The following RBM19 variants were observed in gnomAD, a reference collection of about 807,000 sequenced individuals.
RBM19 encodes the protein probable RNA-binding protein 19.
RBM19 carries 94 observed loss-of-function variants against 116.8 expected under a neutral mutation model. The observed-to-expected ratio is 0.80, with a 90% CI of 0.68 to 0.95. The LOEUF (loss-of-function observed/expected upper bound fraction) is 0.95. RBM19 is among the 40% of genes least tolerant of loss of function. The pLI is 0.00. For missense variants in RBM19, 1,161 were observed against 1,220.7 expected, an observed-to-expected ratio of 0.95 and a Z score of 0.73; for synonymous variants, 475 against 494.1, an observed-to-expected ratio of 0.96 and a Z score of 0.51.
chr12:113,922,462 C>T (rs1868666511), intron 18 of RBM19, among the ~76,000 whole-genome samples: 1 of 152,172 alleles, frequency 6.6e-6, no homozygotes, highest in African/African-American at 2.4e-5. Flanking sequence ...ATAACCACTT[C>T]TAAAACATGC....
intron 6 of RBM19, 49 bp from the exon 7 acceptor site, chr12:113,955,260 C>A: frequency 1.3e-6 from 2 of 1,560,640 alleles, no homozygotes; most frequent in South Asian, 2.2e-5. Context: ...ACCCTTCGTA[C>A]AGCTGCAGGA....
chr12:113,831,527 G>T (rs746557174), intron 23 of RBM19, among the ~76,000 whole-genome samples: 1 of 152,044 alleles, frequency 6.6e-6, no homozygotes, highest in Non-Finnish European at 1.5e-5. Context: ...CTCCCAAGTC[G>T]CTCTGAAATT....
chr12:113,928,804 A>G (rs971921240), intron 16 of RBM19, among the ~76,000 whole-genome samples: 1 of 152,038 alleles, frequency 6.6e-6, no homozygotes, highest in Non-Finnish European at 1.5e-5. Context: ...AAATCTTAGG[A>G]GGAAATGTGT....
At chr12:113,954,477 G>C (rs181747707) in intron 7 of RBM19, among the ~76,000 whole-genome samples, 2 of 152,268 alleles carry the variant, frequency 1.3e-5, no homozygotes, top group African/African-American at 4.8e-5. Context: ...TTAGACCTGC[G>C]GTAATTACAT....
chr12:113,932,453 G>A lies in RBM19; in HGVS notation c.2068+4554C>T, dbSNP rs143050911. The A allele has an allele frequency of 6.5e-3, 997 of 152,356 alleles. 2 individuals are homozygous for A. The highest frequency in any genetic ancestry group is 0.011 in the Non-Finnish European group (775 of 68,044). The allele number at this position is 152,356 out of a possible 1,614,324, so 9.4% of individuals were successfully genotyped here. On this transcript the variant is annotated intron_variant, in intron 16 of 23. Transcript: ENST00000261741. ...CCTGGGAGAGATAAGACAACCCAGT[G>A]TGGGGAGCCCTCGGCCCTCCCTCTC...
chr12:113,942,075 G>A (rs780328431), intron 14 of RBM19, among the ~76,000 whole-genome samples: 2 of 152,140 alleles, frequency 1.3e-5, no homozygotes, highest in Admixed American at 1.3e-4. Flanking sequence ...TGGGGGTGCC[G>A]ATCTGTGTGG....
chr12:113,960,363 C>CT (rs1872387326), intron 2 of RBM19, among the ~76,000 whole-genome samples, 185 bp from the exon 3 acceptor site: 1 of 152,230 alleles, frequency 6.6e-6, no homozygotes. Context: ...ATACAATACT[C>CT]TAACAGTCTA....
chr12:113,940,241 C>A, intron 14 of RBM19, 81 bp from the exon 15 acceptor site: 3 of 1,431,330 alleles, frequency 2.1e-6, no homozygotes, highest in Non-Finnish European at 2.9e-6. Flanking sequence ...TCGTGGGGCT[C>A]TCCAGACAAG....
chr12:113,952,998 TGA>T (rs1166449696), intron 7 of RBM19, among the ~76,000 whole-genome samples: 1 of 152,242 alleles, frequency 6.6e-6, no homozygotes, highest in Non-Finnish European at 1.5e-5. Flanking sequence ...TTAAAGCATG[TGA>T]TTTTCTGAAT....
chr12:113,852,880 G>A (rs557935311), intron 22 of RBM19, among the ~76,000 whole-genome samples: 2 of 152,358 alleles, frequency 1.3e-5, no homozygotes, highest in Admixed American at 6.5e-5. Context: ...TTAAACAAAC[G>A]TGTTGAACGC....
chr12:113,870,225 TCCTGCTG>T (rs1177963141), intron 21 of RBM19, among the ~76,000 whole-genome samples: 1 of 152,170 alleles, frequency 6.6e-6, no homozygotes, highest in Non-Finnish European at 1.5e-5. Flanking sequence ...TCACACCCAC[TCCTGCTG>T]CCTGCTGCCT....
intron 21 of RBM19, among the ~76,000 whole-genome samples, chr12:113,910,575 G>T (rs1190006090): frequency 6.6e-6 from 1 of 152,212 alleles, no homozygotes; most frequent in Non-Finnish European, 1.5e-5. Context: ...CTGCCCCATG[G>T]ACTATGACAG....
intron 21 of RBM19, among the ~76,000 whole-genome samples, chr12:113,909,969 G>A (rs114287241): frequency 0.016 from 2,406 of 152,264 alleles, 70 homozygotes; most frequent in African/African-American, 0.054. Context: ...GAGGCCCGGA[G>A]AGCTAACATG....
intron 23 of RBM19, among the ~76,000 whole-genome samples, chr12:113,831,304 T>C (rs1271979973): frequency 6.6e-6 from 1 of 152,186 alleles, no homozygotes; most frequent in Non-Finnish European, 1.5e-5. Context: ...CTACTTTCAT[T>C]TGTGGTCATG....
Position 113,868,925 on chromosome 12 carries a change from C to G in RBM19, c.2559-10029G>C, listed in dbSNP as rs371729041. ...CTTTGGTTCAGATCCCAGCCCGGCACCTGCCACCACCTTTCTGAGGCTCAG... is the reference window on the plus strand; with the variant it reads ...CTTTGGTTCAGATCCCAGCCCGGCAGCTGCCACCACCTTTCTGAGGCTCAG... On this transcript the variant is annotated intron_variant, in intron 21 of 23. Transcript: ENST00000261741. 5.3e-5 allele frequency among the ~76,000 whole-genome samples: 8 copies of G among 152,272 alleles called. No individual in the cohort carries two copies. The South Asian group carries it at 1.2e-3, about 24-fold the overall frequency.
intron 18 of RBM19, 80 bp downstream of exon 18, chr12:113,924,617 T>C (rs1868888670): frequency 1.6e-6 from 2 of 1,280,858 alleles, no homozygotes; most frequent in East Asian, 2.3e-5. Flanking sequence ...CCCCAACCCC[T>C]TGTCTGAAGC....
At chr12:113,840,239 G>A (rs1876344501) in intron 23 of RBM19, among the ~76,000 whole-genome samples, 1 of 152,194 alleles carries the variant, frequency 6.6e-6, no homozygotes, top group Admixed American at 6.5e-5. Context: ...AATGCAATGA[G>A]GAATTCAGAC....
chr12:113,867,426 T>C (rs1369837624), intron 21 of RBM19, among the ~76,000 whole-genome samples: 1 of 152,146 alleles, frequency 6.6e-6, no homozygotes, highest in Non-Finnish European at 1.5e-5. Flanking sequence ...GGGAAAGAAA[T>C]GTGGACCTGA....
downstream of RBM19, among the ~76,000 whole-genome samples, chr12:113,819,180 A>G (rs1046882020): frequency 5.9e-5 from 9 of 151,918 alleles, no homozygotes; most frequent in African/African-American, 2.2e-4. Flanking sequence ...CCAGCCCTCC[A>G]CTCTGGAAAC....
Sources: gnomAD v4.1 joint callset for allele counts (sites outside exome capture counted in the v4.1 genomes callset) on GRCh38, gnomAD v4.1.1 for gene constraint, MANE v1.5 for transcripts, NCBI Gene and HGNC (gene_info 2026-07-23, HGNC 2026-07-21) for gene names.